The following MARCHF1 variants were observed in gnomAD, a reference collection of about 807,000 sequenced individuals.
MARCHF1 encodes E3 ubiquitin-protein ligase MARCHF1.
A neutral mutation model predicts 54.2 loss-of-function variants in MARCHF1; 40 were observed. The ratio of observed to expected loss-of-function variants is 0.74; its 90% CI spans 0.57 to 0.96. The LOEUF (loss-of-function observed/expected upper bound fraction) is 0.96. MARCHF1 is among the 40% of genes least tolerant of loss of function. The probability of loss-of-function intolerance (pLI) is 0.00; values close to 1 mark genes in which losing one functional copy is unlikely to be tolerated. For synonymous variants in MARCHF1, 236 were observed against 236.3 expected (o/e 1.00, Z 0.01); for missense variants, 586 against 656.5 (o/e 0.89, Z 1.17).
chr4:164,208,714 T>C (rs1163440180), intron 1 of MARCHF1, among the ~76,000 whole-genome samples: 1 of 152,146 alleles, frequency 6.6e-6, no homozygotes, highest in Non-Finnish European at 1.5e-5. Flanking sequence ...AAAAGCTGCC[T>C]TGTGGGAAAT....
chr4:163,740,879 T>A (rs1219071533), intron 4 of MARCHF1, among the ~76,000 whole-genome samples: 8 of 152,208 alleles, frequency 5.3e-5, no homozygotes, highest in African/African-American at 1.9e-4. Context: ...GGAAAGGACA[T>A]TTTTATGTCA....
intron 4 of MARCHF1, among the ~76,000 whole-genome samples, chr4:163,834,268 C>A (rs2047162): frequency 2.0e-5 from 3 of 151,306 alleles, no homozygotes; most frequent in Non-Finnish European, 4.4e-5. Flanking sequence ...GGGTGCCTGA[C>A]AAAAACCTGC....
chr4:163,549,339 C>T (rs893829598), intron 8 of MARCHF1, among the ~76,000 whole-genome samples: 1 of 151,974 alleles, frequency 6.6e-6, no homozygotes, highest in African/African-American at 2.4e-5. Flanking sequence ...TCAAGTCTCT[C>T]GGTGTTGAGA....
At chr4:163,717,956 A>G (rs994895595) in intron 4 of MARCHF1, among the ~76,000 whole-genome samples, 20 of 152,332 alleles carry the variant, frequency 1.3e-4, no homozygotes, top group African/African-American at 4.6e-4. Flanking sequence ...AAACAGAGAT[A>G]TAGACCAATG....
At chr4:163,596,874 G>T (rs936455084) in intron 7 of MARCHF1, among the ~76,000 whole-genome samples, 3 of 152,134 alleles carry the variant, frequency 2.0e-5, no homozygotes, top group Non-Finnish European at 4.4e-5. Flanking sequence ...ATAAAATGTG[G>T]TTCCTTCCTC....
chr4:163,817,628 T>C (rs1748576989), intron 4 of MARCHF1, among the ~76,000 whole-genome samples: 1 of 152,090 alleles, frequency 6.6e-6, no homozygotes, highest in Non-Finnish European at 1.5e-5. Flanking sequence ...AATAGGACAG[T>C]ACCCAAATTG....
chr4:163,770,542 ACACACACACACAC>A, intron 4 of MARCHF1, among the ~76,000 whole-genome samples: 2 of 150,488 alleles, frequency 1.3e-5, no homozygotes, highest in Middle Eastern at 6.8e-3. Flanking sequence ...ACACACACAC[ACACACACACACAC>A]ACACACACAA....
chr4:164,152,664 A>G (rs932182095), intron 1 of MARCHF1, among the ~76,000 whole-genome samples: 1 of 152,100 alleles, frequency 6.6e-6, no homozygotes, highest in Non-Finnish European at 1.5e-5. Context: ...ACAATCAACT[A>G]AGAGCCAGGC....
chr4:164,054,771 A>C (rs1417844079), intron 2 of MARCHF1, among the ~76,000 whole-genome samples: 1 of 104,832 alleles, frequency 9.5e-6, no homozygotes, highest in Non-Finnish European at 1.8e-5. Context: ...CACTCTGGGG[A>C]CTGTTGTGGG....
intron 4 of MARCHF1, among the ~76,000 whole-genome samples, chr4:163,818,954 T>C (rs926747444): frequency 6.6e-6 from 1 of 152,124 alleles, no homozygotes; most frequent in Admixed American, 6.6e-5. Flanking sequence ...CTGAAGATTC[T>C]GGCACCAGGC....
chr4:164,220,191 TC>T (rs1732051654), intron 1 of MARCHF1, among the ~76,000 whole-genome samples: 1 of 150,210 alleles, frequency 6.7e-6, no homozygotes, highest in Non-Finnish European at 1.5e-5. Context: ...TATATATATT[TC>T]CATATATGTG....
chr4:163,709,303 A>G (rs1208283980), intron 4 of MARCHF1, among the ~76,000 whole-genome samples: 1 of 152,116 alleles, frequency 6.6e-6, no homozygotes, highest in Admixed American at 6.6e-5. Flanking sequence ...AGGCCAGGCA[A>G]GCAGGCTCAT....
intron 4 of MARCHF1, among the ~76,000 whole-genome samples, chr4:163,787,750 A>G (rs561965683): frequency 6.6e-6 from 1 of 152,088 alleles, no homozygotes; most frequent in South Asian, 2.1e-4. Context: ...AATTCAAAGC[A>G]CGATCTTAAA....
At chr4:164,254,515 A>C (rs1733217055) in intron 1 of MARCHF1, among the ~76,000 whole-genome samples, 2 of 151,680 alleles carry the variant, frequency 1.3e-5, no homozygotes, top group African/African-American at 4.8e-5. Flanking sequence ...TATATAGTTA[A>C]TACTTAATAA....
intron 2 of MARCHF1, among the ~76,000 whole-genome samples, chr4:164,080,849 T>G (rs1308307560): frequency 1.3e-5 from 2 of 152,018 alleles, no homozygotes; most frequent in Non-Finnish European, 2.9e-5. Flanking sequence ...TCAATCCAGT[T>G]ATTCTTGGTA....
chr4:163,923,459 T>C (rs528446123), intron 3 of MARCHF1, among the ~76,000 whole-genome samples: 45 of 152,138 alleles, frequency 3.0e-4, no homozygotes, highest in African/African-American at 1.0e-3. Flanking sequence ...GTATGGAAAA[T>C]ATAAAGTAGT....
At chr4:164,142,129 C>T (rs1009442890) in intron 1 of MARCHF1, among the ~76,000 whole-genome samples, 9 of 152,194 alleles carry the variant, frequency 5.9e-5, no homozygotes, top group South Asian at 2.1e-4. Context: ...TAAAACACAG[C>T]GCACCTGGAG....
At chr4:163,913,200 C>T (rs988247389) in intron 3 of MARCHF1, among the ~76,000 whole-genome samples, 1 of 152,114 alleles carries the variant, frequency 6.6e-6, no homozygotes, top group Non-Finnish European at 1.5e-5. Context: ...GTAAAAGCCT[C>T]GTTATGTGTT....
intron 4 of MARCHF1, among the ~76,000 whole-genome samples, chr4:163,793,683 C>T (rs373455890): frequency 3.3e-5 from 5 of 152,152 alleles, no homozygotes; most frequent in East Asian, 3.9e-4. Context: ...TAAAGATTGA[C>T]CCCTGACCTA....
Sources: allele counts gnomAD v4.1 joint callset (sites outside exome capture counted in the v4.1 genomes callset), GRCh38; gene constraint gnomAD v4.1.1; transcripts MANE v1.5; gene names NCBI Gene and HGNC (gene_info 2026-07-23, HGNC 2026-07-21).